Variants in EPC1 observed in about 807,000 individuals in gnomAD.
EPC1 encodes enhancer of polycomb homolog 1.
A neutral mutation model predicts 98.4 loss-of-function variants in EPC1; 12 were observed. That is an observed-to-expected ratio of 0.12 (90% confidence interval 0.08 to 0.20). The LOEUF (loss-of-function observed/expected upper bound fraction) is 0.20, where lower values mean the gene tolerates loss of function less well. Ranked by LOEUF, EPC1 falls within the 10% of genes least tolerant of loss-of-function variation. The pLI is 1.00. For missense variants in EPC1, 729 were observed against 990.5 expected (o/e 0.74, Z 3.54); for synonymous variants, 357 against 363.9 (o/e 0.98, Z 0.21).
At chr10:32,351,362 A>G (rs1425769650), upstream of EPC1, among the ~76,000 whole-genome samples, 1 of 152,178 alleles carries the variant, frequency 6.6e-6, no homozygotes, top group East Asian at 1.9e-4. Flanking sequence ...CCATCTTCAG[A>G]AATCAGCATG....
intron 1 of EPC1, among the ~76,000 whole-genome samples, chr10:32,376,199 T>C (rs534507553): frequency 6.6e-6 from 1 of 152,150 alleles, no homozygotes; most frequent in East Asian, 1.9e-4. Flanking sequence ...AATGATGTAA[T>C]AGTCAATGAT....
intron 1 of EPC1, among the ~76,000 whole-genome samples, chr10:32,359,690 A>C (rs1388189893): frequency 6.6e-6 from 1 of 152,212 alleles, no homozygotes; most frequent in Non-Finnish European, 1.5e-5. Context: ...TTTCATATGT[A>C]CAGTATACAA....
rs1838219421 is a variant in EPC1, at chr10:32,339,780, C to CAA, written c.153+6982_153+6983insTT. 2.6e-5 allele frequency among the ~76,000 whole-genome samples: 4 copies of CAA among 152,272 alleles called. 1 individual carries two copies. The highest frequency in any genetic ancestry group is 9.6e-5 in the African/African-American group (4 of 41,554). Reference sequence around the variant, plus strand: ...ATGATTTTTCATACACTGCCTTATTCACTCCTCAGAGCTATTTTGTAAGGT... The same window carrying CAA: ...ATGATTTTTCATACACTGCCTTATTCAAACTCCTCAGAGCTATTTTGTAAGGT... On this transcript the variant is annotated intron_variant, in intron 1 of 13. Transcript: ENST00000319778.
intron 2 of EPC1, among the ~76,000 whole-genome samples, chr10:32,295,341 T>C (rs573171562): frequency 6.6e-6 from 1 of 152,372 alleles, no homozygotes; most frequent in East Asian, 1.9e-4. Context: ...CTGCCATCTC[T>C]GCTTAAAGCT....
intron 1 of EPC1, among the ~76,000 whole-genome samples, chr10:32,359,304 T>C (rs1839372687): frequency 6.6e-6 from 1 of 152,234 alleles, no homozygotes; most frequent in Non-Finnish European, 1.5e-5. Flanking sequence ...CATTTAAATA[T>C]AAAATTGGAT....
chr10:32,286,695 T>G lies in EPC1; in HGVS notation c.1390A>C (p.Arg464=), dbSNP rs762181524. Residue 464 remains arginine, a splice_region_variant and synonymous_variant, in exon 9 of 14, where the codon AGG becomes CGG. Coordinates refer to ENST00000319778, the MANE Select transcript of EPC1 (RefSeq NM_001272004.3). ...GCTAGGAATACAGAAATACCTTACC[T>G]TCCACCGCGCCCAACCCGTCTTCGT... The part of the protein sequence containing the change: ...FARRRVGRGG[R]VLLDRAHSDY... 6.2e-7 allele frequency: 1 copy of G among 1,613,916 alleles called. No individual in the cohort carries two copies. The highest frequency in any genetic ancestry group is 8.5e-7 in the Non-Finnish European group (1 of 1,179,960).
intron 1 of EPC1, among the ~76,000 whole-genome samples, chr10:32,326,965 G>A (rs1045029177): frequency 3.0e-5 from 4 of 134,648 alleles, no homozygotes; most frequent in South Asian, 4.6e-4. Flanking sequence ...AATCAGTACA[G>A]CCATTACAGA....
chr10:32,303,602 A>G (rs929447878), intron 2 of EPC1, among the ~76,000 whole-genome samples: 2 of 152,240 alleles, frequency 1.3e-5, no homozygotes, highest in African/African-American at 4.8e-5. Context: ...GAACATAATT[A>G]TACAGATGGA....
In EPC1 at chr10:32,269,093, T is replaced by C. The variant is rs765100305; in HGVS notation, c.2412A>G (p.Ala804=). ...ESEKPALNNI[A]DNTVAMEVT ...TCACCTCCATCGCTACTGTGTTGTC[T>C]GCTATGTTGTTCAGTGCTGGCTTTT... Residue 804 remains alanine, a synonymous_variant, in exon 14 of 14, where the codon GCA becomes GCG. Transcript: ENST00000319778. 1 of 1,614,074 alleles carries C rather than the reference T, an allele frequency of 6.2e-7. No homozygotes were observed. Among genetic ancestry groups the C allele is most frequent in the South Asian group, 1.1e-5 (1 of 91,080 alleles).
At chr10:32,355,360 C>T (rs1241109841) in intron 1 of EPC1, among the ~76,000 whole-genome samples, 2 of 152,190 alleles carry the variant, frequency 1.3e-5, no homozygotes, top group Admixed American at 1.3e-4. Flanking sequence ...TCTTCCATGT[C>T]TCATCCCAAC....
At chr10:32,321,770 C>T (rs924370737) in intron 1 of EPC1, among the ~76,000 whole-genome samples, 1 of 151,972 alleles carries the variant, frequency 6.6e-6, no homozygotes, top group Non-Finnish European at 1.5e-5. Context: ...GACTCCAGAA[C>T]CCTATGATCT....
At chr10:32,272,242 C>T in intron 11 of EPC1, 75 bp from the exon 12 acceptor site, 1 of 1,251,720 alleles carries the variant, frequency 8.0e-7, no homozygotes, top group Non-Finnish European at 1.1e-6. Context: ...CACATGCATA[C>T]CAAAATCAGT....
chr10:32,366,313 T>G (rs1839603621), intron 1 of EPC1, among the ~76,000 whole-genome samples: 1 of 152,188 alleles, frequency 6.6e-6, no homozygotes, highest in African/African-American at 2.4e-5. Context: ...GCTCTTGCCG[T>G]TAGTGAACTT....
intron 11 of EPC1, among the ~76,000 whole-genome samples, chr10:32,272,709 G>C (rs1424633921): frequency 1.3e-5 from 2 of 152,132 alleles, no homozygotes; most frequent in East Asian, 3.8e-4. Context: ...TATTTTTCCT[G>C]CAAGATGCAG....
intron 1 of EPC1, among the ~76,000 whole-genome samples, chr10:32,357,360 A>G (rs1454848043): frequency 6.6e-6 from 1 of 152,272 alleles, no homozygotes; most frequent in African/African-American, 2.4e-5. Flanking sequence ...AGCAGCATGT[A>G]TATTGGAACG....
At chr10:32,282,568 AAAG>A (rs1422044860) in intron 10 of EPC1, 2 of 152,214 alleles carry the variant, frequency 1.3e-5, no homozygotes, top group African/African-American at 4.8e-5. Context: ...AAGAAATGAT[AAAG>A]AAGAAAAATT....
At chr10:32,273,128 A>G in intron 11 of EPC1, 35 bp downstream of exon 11, 1 of 1,614,110 alleles carries the variant, frequency 6.2e-7, no homozygotes, top group Non-Finnish European at 8.5e-7. Flanking sequence ...GTGGGAAACA[A>G]TGAGGGATAA....
intron 10 of EPC1, among the ~76,000 whole-genome samples, chr10:32,280,769 A>T (rs1468773440): frequency 6.6e-6 from 1 of 152,140 alleles, no homozygotes; most frequent in Non-Finnish European, 1.5e-5. Context: ...ACAATGAATA[A>T]TCAGAAATGG....
At chr10:32,358,368 G>A (rs532433703) in intron 1 of EPC1, among the ~76,000 whole-genome samples, 1 of 152,212 alleles carries the variant, frequency 6.6e-6, no homozygotes, top group South Asian at 2.1e-4. Context: ...TTTAGGATGG[G>A]TGTGGTGTCT....
Sources: gnomAD v4.1 joint callset for allele counts (sites outside exome capture counted in the v4.1 genomes callset) on GRCh38, gnomAD v4.1.1 for gene constraint, MANE v1.5 for transcripts, NCBI Gene and HGNC (gene_info 2026-07-23, HGNC 2026-07-21) for gene names.